PITPNM2: variants seen among roughly 807,000 people sequenced by gnomAD.
PITPNM2 encodes the protein phosphatidylinositol transfer protein membrane associated 2, also known as membrane-associated phosphatidylinositol transfer protein 2.
A neutral mutation model predicts 132.2 loss-of-function variants in PITPNM2; 35 were observed. That is an observed-to-expected ratio of 0.26 (90% confidence interval 0.20 to 0.35). The LOEUF (loss-of-function observed/expected upper bound fraction) is 0.35, where lower values mean the gene tolerates loss of function less well. PITPNM2 is among the 10% of genes least tolerant of loss of function. The pLI, the probability that PITPNM2 is intolerant of heterozygous loss-of-function variation, is 1.00. For missense variants in PITPNM2, 1,332 were observed against 1,912.0 expected, an observed-to-expected ratio of 0.70 and a Z score of 5.66; for synonymous variants, 738 against 799.2, an observed-to-expected ratio of 0.92 and a Z score of 1.29.
chr12:123,030,960 G>T (rs1243824399), intron 3 of PITPNM2, among the ~76,000 whole-genome samples: 3 of 151,918 alleles, frequency 2.0e-5, no homozygotes, highest in Non-Finnish European at 4.4e-5. Flanking sequence ...GAGACAGGTA[G>T]TACATTAGTG....
chr12:123,110,007 G>C (rs1030066525), intron 2 of PITPNM2, among the ~76,000 whole-genome samples: 6 of 152,214 alleles, frequency 3.9e-5, no homozygotes, highest in Non-Finnish European at 8.8e-5. Context: ...ACTCAGGCTG[G>C]AGTGAAGTAG....
In PITPNM2 at chr12:122,996,875, G is replaced by C; in HGVS notation, c.1508C>G (p.Ser503Cys). ...CAGGGGAATGTGGTCCTGACTGCTG[G>C]ACAGACAGCCTTCGTCATGGCTGTA... ...SPYSHDEGCL[S>C]SSQDHIPLAA... The change falls in exon 12 of 26, where the codon TCC (serine) becomes TGC (cysteine). Residue 503 changes from serine (S) to cysteine (C), a missense_variant. Ser to Cys is a moderately radical substitution (Grantham distance 112, BLOSUM62 -1). Coordinates refer to ENST00000320201, the MANE Select transcript of PITPNM2 (RefSeq NM_020845.3). 1 of 1,587,214 alleles carries C rather than the reference G, an allele frequency of 6.3e-7. No individual in the cohort carries two copies. The highest frequency in any genetic ancestry group is 2.2e-5 in the East Asian group (1 of 44,788).
In PITPNM2 at chr12:122,988,807, C is replaced by A; in HGVS notation, c.2797G>T (p.Ala933Ser). 6.3e-7 allele frequency: 1 copy of A among 1,585,404 alleles called. No homozygotes were observed. Among genetic ancestry groups the A allele is most frequent in the Admixed American group, 1.8e-5 (1 of 55,034 alleles). ...TGAGGCAGAGCCACCGTGGGGAAGGCCGTGAGGGCGTCAGGGCAGTACAGG... is the reference window on the plus strand; with the variant it reads ...TGAGGCAGAGCCACCGTGGGGAAGGACGTGAGGGCGTCAGGGCAGTACAGG... ...YALYCPDALT[A>S]FPTVALPHLF... is the part of the protein sequence containing the mutation. The change falls in exon 19 of 26, where the codon GCC becomes TCC. Residue 933 changes from alanine (A) to serine (S), a missense_variant. Around this residue, in one of 6 missense-constraint regions of PITPNM2, gnomAD observed 251 missense variants for 472.0 expected, o/e 0.53. Transcript: ENST00000320201.
intron 18 of PITPNM2, among the ~76,000 whole-genome samples, chr12:122,989,145 C>G (rs1045996698): frequency 6.6e-6 from 1 of 152,194 alleles, no homozygotes; most frequent in Admixed American, 6.5e-5. Context: ...ATGGTACCAG[C>G]TGTCTGTGGT....
intron 2 of PITPNM2, among the ~76,000 whole-genome samples, chr12:123,051,122 G>A (rs559915086): frequency 7.0e-4 from 106 of 152,256 alleles, no homozygotes; most frequent in African/African-American, 2.3e-3. Flanking sequence ...CCCACCCCTC[G>A]CTGACACCTT....
At chr12:123,045,161 C>T (rs2040613044) in intron 2 of PITPNM2, among the ~76,000 whole-genome samples, 1 of 152,230 alleles carries the variant, frequency 6.6e-6, no homozygotes. Context: ...CATTCACCAT[C>T]AGCATTCAAA....
At chr12:123,093,032 T>C (rs2042311198) in intron 2 of PITPNM2, among the ~76,000 whole-genome samples, 2 of 152,234 alleles carry the variant, frequency 1.3e-5, no homozygotes, top group African/African-American at 4.8e-5. Context: ...CAGTGGAAGA[T>C]GATTGCACCA....
In PITPNM2 at chr12:122,997,530, G is replaced by C. The variant is rs2038483055; in HGVS notation, c.1267C>G (p.His423Asp). The C allele has an allele frequency of 6.2e-7, 1 of 1,612,958 alleles. No homozygotes were observed. Among genetic ancestry groups the C allele is most frequent in the African/African-American group, 1.3e-5 (1 of 74,902 alleles). ...CCGTGCAGCACCAGTAGCAGCACGT[G>C]GATCTTGGAGGGCGGTGCAGCCAGC... ...QPLAAPPSKI[H>D]VLLLVLHGGT... The change falls in exon 11 of 26, where the codon CAC becomes GAC. Residue 423 changes from histidine (H) to aspartate (D), a missense_variant. Transcript: ENST00000320201.
intron 3 of PITPNM2, among the ~76,000 whole-genome samples, chr12:123,024,781 T>C (rs577505505): frequency 1.3e-5 from 2 of 152,252 alleles, no homozygotes; most frequent in African/African-American, 4.8e-5. Flanking sequence ...AAAATAGTGA[T>C]TTCTTTTTTG....
At chr12:123,037,118 C>A (rs2040295877) in intron 2 of PITPNM2, among the ~76,000 whole-genome samples, 1 of 152,202 alleles carries the variant, frequency 6.6e-6, no homozygotes, top group South Asian at 2.1e-4. Flanking sequence ...GAAGCAATGG[C>A]CCTACAGTCC....
intron 2 of PITPNM2, among the ~76,000 whole-genome samples, chr12:123,104,365 G>A (rs960678589): frequency 3.9e-5 from 6 of 152,190 alleles, no homozygotes; most frequent in Non-Finnish European, 5.9e-5. Flanking sequence ...ACGCCCAGAC[G>A]GCCTGAAGTA....
intron 3 of PITPNM2, 81 bp downstream of exon 3, chr12:123,034,432 C>A: frequency 7.4e-7 from 1 of 1,354,638 alleles, no homozygotes; most frequent in East Asian, 2.3e-5. Flanking sequence ...AAGGCCACAA[C>A]TCCACCTAAC....
At chr12:123,033,583 A>T (rs2040166593) in intron 3 of PITPNM2, among the ~76,000 whole-genome samples, 1 of 152,206 alleles carries the variant, frequency 6.6e-6, no homozygotes, top group South Asian at 2.1e-4. Flanking sequence ...TTTTGCAAGC[A>T]GTCAGGGTGG....
At chr12:123,148,940 G>C (rs915970080) in intron 1 of PITPNM2, among the ~76,000 whole-genome samples, 4 of 152,098 alleles carry the variant, frequency 2.6e-5, no homozygotes, top group African/African-American at 9.7e-5. Flanking sequence ...GGAGGGCATG[G>C]GAGCACCATG....
intron 1 of PITPNM2, among the ~76,000 whole-genome samples, chr12:123,116,797 A>G (rs2042944421): frequency 6.6e-6 from 1 of 152,032 alleles, no homozygotes; most frequent in African/African-American, 2.4e-5. Context: ...TGAGGAGGGG[A>G]ACGGATGTTC....
At chr12:122,986,872 C>T in intron 23 of PITPNM2, 43 bp from the exon 24 acceptor site, 1 of 1,543,250 alleles carries the variant, frequency 6.5e-7, no homozygotes, top group Non-Finnish European at 8.8e-7. Context: ...TTCCTCCCTC[C>T]TGGGCCTCCC....
Position 123,030,682 on chromosome 12 carries a change from G to A in PITPNM2, c.78+3831C>T, listed in dbSNP as rs528860033. ...CACTCCACCCTGGGCGACAGAGCGAGACTCCATCTCAAAAAAAAAAAAAAG... is the reference window on the plus strand; with the variant it reads ...CACTCCACCCTGGGCGACAGAGCGAAACTCCATCTCAAAAAAAAAAAAAAG... On this transcript the variant is annotated intron_variant, in intron 3 of 25. Transcript: ENST00000320201. Among the ~76,000 whole-genome samples the A allele has an allele frequency of 1.1e-3, 171 of 149,214 alleles. 2 individuals carry two copies. Among genetic ancestry groups the A allele is most frequent in the Non-Finnish European group, 1.6e-3 (106 of 67,604 alleles).
chr12:123,040,861 T>G (rs2040447581), intron 2 of PITPNM2, among the ~76,000 whole-genome samples: 1 of 152,222 alleles, frequency 6.6e-6, no homozygotes, highest in African/African-American at 2.4e-5. Flanking sequence ...TAAAAAAAGA[T>G]TATTACTACT....
At chr12:123,035,258 G>A (rs975246211) in intron 2 of PITPNM2, among the ~76,000 whole-genome samples, 2 of 152,152 alleles carry the variant, frequency 1.3e-5, no homozygotes, top group Non-Finnish European at 2.9e-5. Flanking sequence ...CCTTCCATTG[G>A]GCTATGTCTG....
Sources: gnomAD v4.1 joint callset for allele counts (sites outside exome capture counted in the v4.1 genomes callset) on GRCh38, gnomAD v4.1.1 for gene constraint, gnomAD v4.1.1 regional missense constraint, MANE v1.5 for transcripts, NCBI Gene and HGNC (gene_info 2026-07-23, HGNC 2026-07-21) for gene names.